The following CUX1 variants were observed in gnomAD, a reference collection of about 807,000 sequenced individuals.
CUX1 encodes protein CASP.
A neutral mutation model predicts 158.8 loss-of-function variants in CUX1; 31 were observed. That is an observed-to-expected ratio of 0.20 (90% confidence interval 0.15 to 0.26). The LOEUF (loss-of-function observed/expected upper bound fraction) is 0.26, where lower values mean the gene tolerates loss of function less well. Among genes scored for constraint, CUX1 ranks in the 10% least tolerant of loss-of-function variants. The pLI is 1.00. For synonymous variants in CUX1, 879 were observed against 862.1 expected (o/e 1.02, Z -0.34); for missense variants, 1,589 against 2,014.6 (o/e 0.79, Z 4.04).
At chr7:102,165,053 C>T (rs563695130) in intron 9 of CUX1, among the ~76,000 whole-genome samples, 41 of 152,080 alleles carry the variant, frequency 2.7e-4, no homozygotes, top group African/African-American at 8.2e-4. Context: ...CTTGTTGGTT[C>T]CAGAGGGAGA....
chr7:102,145,281 T>C (rs1554501705), intron 8 of CUX1, among the ~76,000 whole-genome samples: 1 of 152,012 alleles, frequency 6.6e-6, no homozygotes. Context: ...TGCTGAGATT[T>C]TACTGATTGC....
chr7:102,119,859 T>C (rs1190249193), intron 8 of CUX1, among the ~76,000 whole-genome samples: 2 of 152,198 alleles, frequency 1.3e-5, no homozygotes, highest in Non-Finnish European at 2.9e-5. Flanking sequence ...CTTTTTTCTT[T>C]AGTTAAAAAC....
intron 19 of CUX1, chr7:102,280,260 C>T (rs1050115270): frequency 1.6e-5 from 10 of 616,340 alleles, no homozygotes; most frequent in East Asian, 5.5e-5. Flanking sequence ...TGGGTGCTCT[C>T]GGCCAGCCTT....
rs376405151 is a variant in CUX1 at position 102,223,182 on chromosome 7, G to C, written c.3131-4185G>C. 1.3e-4 allele frequency among the ~76,000 whole-genome samples: 20 copies of C among 152,016 alleles called. 1 individual carries two copies. In the East Asian group the frequency reaches 2.0e-3, roughly 15 times the overall value. On this transcript the variant is annotated intron_variant, in intron 20 of 23. Transcript: ENST00000292535. ...TCACACCTGTAATTCAGCACTTTTG[G>C]AGGCCAGGGTGAGAAGATCACTCGA... is the stretch of plus-strand genomic sequence containing the variant.
chr7:101,828,221 C>A (rs774923836), intron 1 of CUX1, among the ~76,000 whole-genome samples: 1 of 151,932 alleles, frequency 6.6e-6, no homozygotes, highest in African/African-American at 2.4e-5. Context: ...CTGTCCGCTT[C>A]GGCCTCCCAA....
At chr7:101,917,768 A>G (rs1804393921) in intron 2 of CUX1, among the ~76,000 whole-genome samples, 1 of 152,038 alleles carries the variant, frequency 6.6e-6, no homozygotes, top group African/African-American at 2.4e-5. Flanking sequence ...TCCTGTAGCT[A>G]GTGGTCACCC....
chr7:101,943,523 G>T (rs970868926), intron 2 of CUX1, among the ~76,000 whole-genome samples: 1 of 152,064 alleles, frequency 6.6e-6, no homozygotes, highest in Non-Finnish European at 1.5e-5. Context: ...CAGCGTCTTT[G>T]GTGCAGTCTT....
chr7:102,115,417 A>G (rs566850187), intron 8 of CUX1, 144 bp downstream of exon 8: 290 of 655,350 alleles, frequency 4.4e-4, no homozygotes, highest in Admixed American at 8.3e-4. Flanking sequence ...CGTCGGTTCA[A>G]TGCACGTTCT....
At position 101,994,953 on chromosome 7, in the gene CUX1, C is replaced by T. The variant is rs371470096; in HGVS notation, c.142-33145C>T. Among the ~76,000 whole-genome samples, 28 of 151,524 alleles carry T rather than the reference C, an allele frequency of 1.8e-4. 1 individual carries two copies. In the East Asian group the frequency reaches 4.1e-3, roughly 22 times the overall value. ...AAAAAAAAAAAAAAAAAAAATTAGC[C>T]GGGCATGGTGGCACATGCCATTAGT... On this transcript the variant is annotated intron_variant, in intron 2 of 23. Coordinates refer to ENST00000292535, the MANE Select transcript of CUX1 (RefSeq NM_181552.4).
chr7:102,049,941 G>A (rs77366225), intron 3 of CUX1, among the ~76,000 whole-genome samples: 4,607 of 152,214 alleles, frequency 0.03, 92 homozygotes, highest in Non-Finnish European at 0.047. Context: ...TTGTCCCAGC[G>A]CAGGCACGAG....
chr7:102,022,625 A>G (rs975570490), intron 2 of CUX1, among the ~76,000 whole-genome samples: 9 of 150,898 alleles, frequency 6.0e-5, no homozygotes, highest in Non-Finnish European at 7.4e-5. Flanking sequence ...AAAAAAAAAA[A>G]AAAGAAAAGA....
intron 2 of CUX1, among the ~76,000 whole-genome samples, chr7:101,937,591 A>T (rs577678243): frequency 6.6e-6 from 1 of 151,446 alleles, no homozygotes; most frequent in East Asian, 1.9e-4. Flanking sequence ...GCCCATTGCA[A>T]CCCCTGCCTC....
In CUX1 at chr7:102,201,430, G is replaced by T. The variant is rs535731706; in HGVS notation, c.2133G>T (p.Gln711His). The T allele has an allele frequency of 6.2e-7, 1 of 1,614,124 alleles. No homozygotes were observed. Among genetic ancestry groups the T allele is most frequent in the Admixed American group, 1.7e-5 (1 of 60,022 alleles). ...NSDDAIRSIL[Q>H]QARREMEAQQ... Reference sequence around the variant, plus strand: ...ATGACGCCATCCGCTCCATCCTGCAGCAAGCCCGCCGGGAGATGGAGGCCC... The same window carrying T: ...ATGACGCCATCCGCTCCATCCTGCATCAAGCCCGCCGGGAGATGGAGGCCC... The change falls in exon 18 of 24, where the codon CAG becomes CAT. Residue 711 changes from glutamine to histidine, a missense_variant. Around this residue, in one of 8 missense-constraint regions of CUX1, gnomAD observed 337 missense variants for 409.3 expected, o/e 0.82. Transcript: ENST00000292535. This position sits in a 1 kb window ranked among gnomAD's most constrained non-coding sequence, Gnocchi z 5.0.
chr7:102,041,739 C>T (rs1413873214), intron 3 of CUX1, among the ~76,000 whole-genome samples: 2 of 138,670 alleles, frequency 1.4e-5, no homozygotes, highest in Non-Finnish European at 3.0e-5. Flanking sequence ...ATGATCTCGG[C>T]TCACTGCAAC....
intron 4 of CUX1, among the ~76,000 whole-genome samples, chr7:102,084,366 A>G (rs1554479729): frequency 1.3e-5 from 2 of 149,800 alleles, no homozygotes; most frequent in African/African-American, 4.9e-5. Flanking sequence ...TTAGCTCTAG[A>G]AATTTTTTTG....
chr7:102,180,997 G>A (rs75591025), intron 11 of CUX1, among the ~76,000 whole-genome samples: 3,207 of 150,260 alleles, frequency 0.021, 111 homozygotes, highest in African/African-American at 0.075. Flanking sequence ...GCTAGGGTGC[G>A]ATGGCGCCAT....
chr7:102,041,666 A>ATTTTTT (rs1246831975), intron 3 of CUX1, among the ~76,000 whole-genome samples: 10 of 104,918 alleles, frequency 9.5e-5, no homozygotes, highest in South Asian at 3.1e-4. Context: ...CTCCCTTTTG[A>ATTTTTT]TTTTTTTTTT....
intron 3 of CUX1, among the ~76,000 whole-genome samples, chr7:102,066,365 G>A (rs1191570907): frequency 6.6e-6 from 1 of 152,144 alleles, no homozygotes; most frequent in Non-Finnish European, 1.5e-5. Context: ...AGAGACCCTA[G>A]CTCCAAATAA....
intron 19 of CUX1, among the ~76,000 whole-genome samples, chr7:102,204,791 A>G (rs1795784865): frequency 6.6e-6 from 1 of 152,270 alleles, no homozygotes; most frequent in African/African-American, 2.4e-5. Flanking sequence ...CTAATTTTAT[A>G]AGCAGCAGAA....
Sources: gnomAD v4.1 joint callset for allele counts (sites outside exome capture counted in the v4.1 genomes callset) on GRCh38, gnomAD v4.1.1 for gene constraint, gnomAD v4.1.1 regional missense constraint, Gnocchi (gnomAD v3.1) non-coding constraint, MANE v1.5 for transcripts, NCBI Gene and HGNC (gene_info 2026-07-23, HGNC 2026-07-21) for gene names.